The following RBFOX1 variants were observed in gnomAD, a reference collection of about 807,000 sequenced individuals.
RBFOX1 encodes the protein RNA binding protein fox-1 homolog 1.
Under a neutral mutation model 57.7 loss-of-function variants are expected in RBFOX1, and 8 were observed. The ratio of observed to expected loss-of-function variants is 0.14; its 90% CI spans 0.08 to 0.25. The LOEUF (loss-of-function observed/expected upper bound fraction) is 0.25, where lower values mean the gene tolerates loss of function less well. Among genes scored for constraint, RBFOX1 ranks in the 10% least tolerant of loss-of-function variants. The probability of loss-of-function intolerance (pLI) is 1.00; values close to 1 mark genes in which losing one functional copy is unlikely to be tolerated. For synonymous variants in RBFOX1, 326 were observed against 222.4 expected (o/e 1.47, Z -4.15); for missense variants, 611 against 548.5 (o/e 1.11, Z -1.14).
At chr16:6,075,169 C>T (rs562406720) in intron 1 of RBFOX1, among the ~76,000 whole-genome samples, 1 of 152,162 alleles carries the variant, frequency 6.6e-6, no homozygotes, top group African/African-American at 2.4e-5. Flanking sequence ...TGAACAACGT[C>T]AGACACGAAG....
chr16:6,525,031 C>T (rs73530488), intron 2 of RBFOX1, among the ~76,000 whole-genome samples: 10,221 of 152,228 alleles, frequency 0.067, 1,177 homozygotes, highest in African/African-American at 0.23. Flanking sequence ...CAGAGATCTT[C>T]ATGTTAGTGG....
intron 3 of RBFOX1, among the ~76,000 whole-genome samples, chr16:5,830,774 G>A (rs2056237786): frequency 6.6e-6 from 1 of 152,166 alleles, no homozygotes; most frequent in South Asian, 2.1e-4. Flanking sequence ...ACCATACCCT[G>A]TGGTTCTAAC....
At chr16:7,317,375 T>G (rs933847559) in intron 4 of RBFOX1, among the ~76,000 whole-genome samples, 3 of 152,006 alleles carry the variant, frequency 2.0e-5, no homozygotes, top group Non-Finnish European at 4.4e-5. Context: ...TCTCAGCATA[T>G]CTTAGGCCAA....
intron 2 of RBFOX1, among the ~76,000 whole-genome samples, chr16:6,431,876 A>T (rs2094097024): frequency 8.0e-6 from 1 of 124,296 alleles, no homozygotes; most frequent in African/African-American, 2.7e-5. Flanking sequence ...GAACATGTCC[A>T]GAAATATGCT....
At chr16:7,094,664 A>T in intron 4 of RBFOX1, among the ~76,000 whole-genome samples, 1 of 139,368 alleles carries the variant, frequency 7.2e-6, no homozygotes. Context: ...TACATTGTTC[A>T]CCCTACTCCA....
At chr16:7,381,464 A>G (rs1457140647) in intron 4 of RBFOX1, among the ~76,000 whole-genome samples, 2 of 152,002 alleles carry the variant, frequency 1.3e-5, no homozygotes, top group Non-Finnish European at 2.9e-5. Context: ...TTAGTAAAAT[A>G]TATAGACTAC....
At chr16:6,861,129 T>G (rs1406925988) in intron 3 of RBFOX1, among the ~76,000 whole-genome samples, 2 of 152,080 alleles carry the variant, frequency 1.3e-5, no homozygotes, top group Non-Finnish European at 2.9e-5. Context: ...CATACGGCAT[T>G]TGCTCCAGCA....
intron 3 of RBFOX1, among the ~76,000 whole-genome samples, chr16:5,645,028 G>T (rs1055074222): frequency 5.3e-5 from 8 of 151,294 alleles, no homozygotes; most frequent in Non-Finnish European, 1.2e-4. Flanking sequence ...TTGAAGTCAG[G>T]CATTTGAGAC....
chr16:6,812,607 C>A lies in RBFOX1; in HGVS notation c.-16+157957C>A, dbSNP rs192246783. Among the ~76,000 whole-genome samples the A allele has an allele frequency of 1.3e-4, 20 of 152,170 alleles. No individual in the cohort carries two copies. The South Asian group carries it at 3.7e-3, about 28-fold the overall frequency. ...GGCCAGACTGGTCTCAAACTCCTGA[C>A]CTCAATTGATCCACCCGCCTCAGCC... On this transcript the variant is annotated intron_variant, in intron 3 of 15. Transcript: ENST00000550418.
chr16:6,914,077 A>C (rs1168492252), intron 3 of RBFOX1, among the ~76,000 whole-genome samples: 1 of 152,184 alleles, frequency 6.6e-6, no homozygotes, highest in Non-Finnish European at 1.5e-5. Flanking sequence ...CTTTTGTTTT[A>C]TGTCTAATCT....
chr16:6,036,736 G>T (rs898005664), intron 1 of RBFOX1, among the ~76,000 whole-genome samples: 11 of 152,136 alleles, frequency 7.2e-5, no homozygotes, highest in African/African-American at 2.7e-4. Flanking sequence ...TTTTAACTTA[G>T]ATGGGAGGCA....
intron 2 of RBFOX1, among the ~76,000 whole-genome samples, chr16:6,332,549 A>T (rs962507043): frequency 6.6e-6 from 1 of 152,200 alleles, no homozygotes; most frequent in Admixed American, 6.5e-5. Context: ...TTCTCAGCAC[A>T]TTACTTCTTT....
intron 3 of RBFOX1, among the ~76,000 whole-genome samples, chr16:6,946,419 GT>G (rs2079533803): frequency 6.6e-6 from 1 of 152,184 alleles, no homozygotes; most frequent in South Asian, 2.1e-4. Flanking sequence ...TATTGCCTGA[GT>G]TCTGTGATGA....
chr16:7,341,920 C>T (rs2096905638), intron 4 of RBFOX1, among the ~76,000 whole-genome samples: 1 of 151,872 alleles, frequency 6.6e-6, no homozygotes, highest in Non-Finnish European at 1.5e-5. Context: ...GAGTTCAACA[C>T]ACCCACTGCT....
At chr16:6,380,398 ATTTTTTTTTTTTTTTTTTTTTTTTTTTTT>A (rs60498960) in intron 2 of RBFOX1, among the ~76,000 whole-genome samples, 220 of 49,160 alleles carry the variant, frequency 4.5e-3, no homozygotes, top group Non-Finnish European at 6.8e-3. Context: ...AATGGTGGGG[ATTTTTTTTTTTTTTTTTTTTTTTTTTTTT>A]TTTTTTTTTT....
intron 3 of RBFOX1, among the ~76,000 whole-genome samples, chr16:5,639,684 A>G (rs531992518): frequency 5.3e-5 from 8 of 152,284 alleles, no homozygotes; most frequent in Non-Finnish European, 8.8e-5. Context: ...ACCCATGCAC[A>G]TGCCTACCAG....
chr16:5,516,059 A>G (rs998449114), intron 2 of RBFOX1, among the ~76,000 whole-genome samples: 6 of 152,218 alleles, frequency 3.9e-5, no homozygotes, highest in Non-Finnish European at 5.9e-5. Context: ...TAGTCTTAGT[A>G]CAGTGAATAT....
intron 3 of RBFOX1, among the ~76,000 whole-genome samples, chr16:5,758,319 C>G (rs1197628084): frequency 1.3e-5 from 2 of 152,174 alleles, no homozygotes; most frequent in Non-Finnish European, 2.9e-5. Flanking sequence ...CCTCTCGGCT[C>G]TATTATAACA....
intron 3 of RBFOX1, among the ~76,000 whole-genome samples, chr16:6,837,248 GCT>G (rs1438465124): frequency 6.6e-6 from 1 of 152,092 alleles, no homozygotes; most frequent in African/African-American, 2.4e-5. Context: ...CTTGCATATT[GCT>G]CTCTCATCTG....
Sources: gnomAD v4.1 joint callset for allele counts (sites outside exome capture counted in the v4.1 genomes callset) on GRCh38, gnomAD v4.1.1 for gene constraint, MANE v1.5 for transcripts, NCBI Gene and HGNC (gene_info 2026-07-23, HGNC 2026-07-21) for gene names.